PCDHA8: variants seen among roughly 807,000 people sequenced by gnomAD.
The protein encoded by PCDHA8 is protocadherin alpha 8.
Under a neutral mutation model 61.8 loss-of-function variants are expected in PCDHA8, and 53 were observed. That is an observed-to-expected ratio of 0.86 (90% CI 0.69 to 1.08). The LOEUF (loss-of-function observed/expected upper bound fraction) is 1.08. PCDHA8 is among the 50% of genes least tolerant of loss of function. The pLI is 0.00. For missense variants in PCDHA8, 1,293 were observed against 1,245.0 expected, an observed-to-expected ratio of 1.04 and a Z score of -0.58; for synonymous variants, 618 against 556.6, an observed-to-expected ratio of 1.11 and a Z score of -1.55.
chr5:140,938,616 A>G (rs1366566018), intron 1 of PCDHA8, among the ~76,000 whole-genome samples: 1 of 152,130 alleles, frequency 6.6e-6, no homozygotes, highest in Non-Finnish European at 1.5e-5. Flanking sequence ...TCTTGGAATA[A>G]ACTCAGGTTG....
chr5:140,933,388 G>A lies in PCDHA8; in HGVS notation c.2395-45561G>A, dbSNP rs142801424. On this transcript the variant is annotated intron_variant, in intron 1 of 3. Transcript: ENST00000531613. Reference sequence around the variant, plus strand: ...CCCAAATTCCTTGGCTGTTCCTAGAGCCATCTGGTTACCATCTACAGATAT... The same window carrying A: ...CCCAAATTCCTTGGCTGTTCCTAGAACCATCTGGTTACCATCTACAGATAT... Among the ~76,000 whole-genome samples the A allele has an allele frequency of 5.4e-3, 828 of 152,024 alleles. 4 individuals carry two copies. The highest frequency in any genetic ancestry group is 0.019 in the African/African-American group (797 of 41,508).
intron 1 of PCDHA8, chr5:140,848,706 C>A (rs2150418265): frequency 6.3e-7 from 1 of 1,592,212 alleles, no homozygotes; most frequent in African/African-American, 1.3e-5. Context: ...TTCCAAAGGC[C>A]GCGGGGACCT....
intron 1 of PCDHA8, chr5:140,870,708 C>G (rs781841032): frequency 1.8e-5 from 29 of 1,612,898 alleles, no homozygotes; most frequent in Non-Finnish European, 2.5e-5. Context: ...TCCAGGTGAG[C>G]GCGCGCGATG....
intron 1 of PCDHA8, chr5:140,851,868 C>A: frequency 1.0e-6 from 1 of 976,710 alleles, no homozygotes; most frequent in Non-Finnish European, 1.2e-6. Context: ...ATACATAACA[C>A]AAGGCAGAAA....
At chr5:140,939,411 AT>A (rs797027145) in intron 1 of PCDHA8, among the ~76,000 whole-genome samples, 1 of 152,050 alleles carries the variant, frequency 6.6e-6, no homozygotes, top group East Asian at 1.9e-4. Context: ...GTAAATCAGC[AT>A]TTTTTTCTTC....
chr5:141,006,343 C>T (rs1036137270), intron 3 of PCDHA8, among the ~76,000 whole-genome samples: 41 of 152,038 alleles, frequency 2.7e-4, no homozygotes, highest in African/African-American at 8.9e-4. Context: ...TCCTGAGTAG[C>T]TGGGACTATA....
intron 1 of PCDHA8, chr5:140,857,217 C>T: frequency 1.9e-6 from 3 of 1,598,492 alleles, no homozygotes; most frequent in South Asian, 2.2e-5. Flanking sequence ...TCTCTGACGC[C>T]TCACGTTCCG....
chr5:140,877,515 G>A (rs371100299), intron 1 of PCDHA8: 177 of 1,613,796 alleles, frequency 1.1e-4, no homozygotes, highest in Admixed American at 4.8e-4. Context: ...CGTCGTCGCG[G>A]GCCTCAGTGG....
At chr5:140,875,951 C>T in intron 1 of PCDHA8, 1 of 1,614,116 alleles carries the variant, frequency 6.2e-7, no homozygotes, top group South Asian at 1.1e-5. Context: ...GCTTCTGATG[C>T]GGATATCGGC....
intron 1 of PCDHA8, chr5:140,927,458 AAG>A: frequency 6.2e-7 from 1 of 1,614,124 alleles, no homozygotes; most frequent in Non-Finnish European, 8.5e-7. Context: ...GTGTTGGAGA[AAG>A]CACTGGATCG....
At chr5:140,881,623 A>G (rs1179461885) in intron 1 of PCDHA8, among the ~76,000 whole-genome samples, 1 of 152,188 alleles carries the variant, frequency 6.6e-6, no homozygotes, top group East Asian at 1.9e-4. Flanking sequence ...TCAAAATCTG[A>G]TATATCAGTT....
At chr5:140,853,146 T>G in intron 1 of PCDHA8, 1 of 817,808 alleles carries the variant, frequency 1.2e-6, no homozygotes, top group Non-Finnish European at 1.5e-6. Flanking sequence ...CCCAAAATGC[T>G]GGGATTACAG....
intron 1 of PCDHA8, chr5:140,858,416 G>A (rs1301119075): frequency 6.4e-7 from 1 of 1,560,804 alleles, no homozygotes; most frequent in African/African-American, 1.4e-5. Context: ...TCAGTCTATT[G>A]GAGGGGACCA....
chr5:140,873,453 A>G (rs1454430298), intron 1 of PCDHA8, among the ~76,000 whole-genome samples: 2 of 152,180 alleles, frequency 1.3e-5, no homozygotes, highest in Non-Finnish European at 2.9e-5. Context: ...ACAAATTTGC[A>G]TTTTAGATAA....
intron 1 of PCDHA8, among the ~76,000 whole-genome samples, chr5:140,949,916 A>G (rs1350647225): frequency 6.6e-6 from 1 of 150,834 alleles, no homozygotes; most frequent in African/African-American, 2.4e-5. Flanking sequence ...AGATATAACT[A>G]TTTTTAGATT....
intron 1 of PCDHA8, chr5:140,851,860 A>T (rs1213709274): frequency 2.1e-6 from 2 of 974,300 alleles, no homozygotes; most frequent in African/African-American, 3.5e-5. Context: ...CTCAGCTCAT[A>T]CATAACACAA....
intron 1 of PCDHA8, chr5:140,871,557 T>C (rs2053187983): frequency 1.3e-6 from 2 of 1,489,740 alleles, no homozygotes. Flanking sequence ...AATCCAGTTT[T>C]TTTTCACGGA....
chr5:140,967,087 G>A (rs782556858), intron 1 of PCDHA8: 5 of 1,613,256 alleles, frequency 3.1e-6, no homozygotes, highest in South Asian at 1.1e-5. Flanking sequence ...GCATTGATCG[G>A]GAGGCGCTGT....
intron 1 of PCDHA8, among the ~76,000 whole-genome samples, chr5:140,890,076 C>G (rs2062479072): frequency 6.6e-6 from 1 of 152,150 alleles, no homozygotes. Flanking sequence ...CTTATGAGAA[C>G]TGATAATGCA....
Sources: allele counts gnomAD v4.1 joint callset (sites outside exome capture counted in the v4.1 genomes callset), GRCh38; gene constraint gnomAD v4.1.1; transcripts MANE v1.5; gene names NCBI Gene and HGNC (gene_info 2026-07-23, HGNC 2026-07-21).